PIK3C2B: variants seen among roughly 807,000 people sequenced by gnomAD.
PIK3C2B encodes phosphatidylinositol-4-phosphate 3-kinase catalytic subunit type 2 beta.
In PIK3C2B, 83 loss-of-function variants were observed where a neutral mutation model predicts 184.3. That is an observed-to-expected ratio of 0.45 (90% CI 0.38 to 0.54). The LOEUF (loss-of-function observed/expected upper bound fraction) is 0.54, where lower values mean the gene tolerates loss of function less well. Ranked by LOEUF, PIK3C2B falls within the 20% of genes least tolerant of loss-of-function variation. The pLI is 0.00. For missense variants in PIK3C2B, 1,736 were observed against 2,113.5 expected (o/e 0.82, Z 3.50); for synonymous variants, 779 against 837.6 (o/e 0.93, Z 1.21).
intron 1 of PIK3C2B, among the ~76,000 whole-genome samples, chr1:204,493,885 T>A (rs1199471159): frequency 2.0e-5 from 3 of 152,214 alleles, no homozygotes; most frequent in Non-Finnish European, 4.4e-5. Flanking sequence ...AATTCTACCC[T>A]CCGCCCGACT....
At chr1:204,477,305 T>C (rs1373714193) in intron 1 of PIK3C2B, among the ~76,000 whole-genome samples, 1 of 152,174 alleles carries the variant, frequency 6.6e-6, no homozygotes, top group Non-Finnish European at 1.5e-5. Flanking sequence ...GATTCAAATG[T>C]GCAGCCAGGT....
chr1:204,474,273 G>T (rs1402822666), intron 1 of PIK3C2B, among the ~76,000 whole-genome samples: 1 of 151,964 alleles, frequency 6.6e-6, no homozygotes, highest in Non-Finnish European at 1.5e-5. Context: ...TTACAGGCGT[G>T]AGCCACCGTG....
chr1:204,489,123 C>T (rs1469076332), intron 1 of PIK3C2B, among the ~76,000 whole-genome samples: 1 of 152,022 alleles, frequency 6.6e-6, no homozygotes, highest in East Asian at 1.9e-4. Context: ...ATTTTGGCTC[C>T]TCTCAAGTTA....
At chr1:204,437,189 T>C (rs370179067) in intron 23 of PIK3C2B, among the ~76,000 whole-genome samples, 1 of 150,946 alleles carries the variant, frequency 6.6e-6, no homozygotes, top group Non-Finnish European at 1.5e-5. Context: ...GAAGAACTTA[T>C]CCACACTTAA....
chr1:204,454,629 T>TGGGC, intron 12 of PIK3C2B, 40 bp downstream of exon 12: 1 of 1,609,138 alleles, frequency 6.2e-7, no homozygotes. Context: ...TGAGCAGGTC[T>TGGGC]ACAGTGGCCT....
At chr1:204,450,089 C>G in intron 12 of PIK3C2B, 72 bp from the exon 13 acceptor site, 1 of 1,296,116 alleles carries the variant, frequency 7.7e-7, no homozygotes, top group Non-Finnish European at 1.1e-6. Flanking sequence ...CCCAGGAAGT[C>G]AGGCTGAGGC....
intron 31 of PIK3C2B, 74 bp from the exon 32 acceptor site, chr1:204,425,815 C>T: frequency 7.2e-7 from 1 of 1,394,438 alleles, no homozygotes; most frequent in East Asian, 2.3e-5. Flanking sequence ...CCTGTGATCA[C>T]ACTCTGATCC....
At chr1:204,453,922 C>T (rs1231007079) in intron 12 of PIK3C2B, among the ~76,000 whole-genome samples, 2 of 151,706 alleles carry the variant, frequency 1.3e-5, no homozygotes, top group Admixed American at 6.6e-5. Context: ...TACAGGCATG[C>T]GCCACCATGC....
At position 204,424,555 on chromosome 1, in the gene PIK3C2B, C is replaced by T. The variant is rs1194277378; in HGVS notation, c.*297G>A. The stretch of plus-strand genomic sequence containing the variant: ...GCTACTTCATACAGCCCACCCCACA[C>T]ACTCCCCAAACCAAGCATTGCTCCC... On this transcript the variant is annotated 3_prime_UTR_variant, in exon 33 of 33. Transcript: ENST00000684373. 3 of 511,974 alleles carry T rather than the reference C, an allele frequency of 5.9e-6. No homozygotes were observed. Among genetic ancestry groups the T allele is most frequent in the South Asian group, 1.5e-5 (1 of 65,468 alleles). The allele number at this position is 511,974 out of a possible 1,614,324, so 31.7% of individuals were successfully genotyped here. A position where few individuals can be genotyped will look rare whatever the true frequency, so the allele number is the denominator to read the frequency against.
At chr1:204,462,433 A>G (rs997379531) in intron 5 of PIK3C2B, among the ~76,000 whole-genome samples, 9 of 152,194 alleles carry the variant, frequency 5.9e-5, no homozygotes, top group African/African-American at 2.2e-4. Context: ...CTGAGCATCA[A>G]TCAGCCTTCA....
chr1:204,485,855 G>A (rs1657545261), intron 1 of PIK3C2B, among the ~76,000 whole-genome samples: 1 of 152,150 alleles, frequency 6.6e-6, no homozygotes. Context: ...ACAGCCGTGA[G>A]CCACTGCACC....
At chr1:204,456,150 G>T in intron 10 of PIK3C2B, 99 bp from the exon 11 acceptor site, 1 of 874,484 alleles carries the variant, frequency 1.1e-6, no homozygotes, top group Non-Finnish European at 1.7e-6. Context: ...TAAGACAGTG[G>T]TCCCCAAATG....
At chr1:204,456,173 T>C (rs1240568726) in intron 10 of PIK3C2B, 122 bp from the exon 11 acceptor site, 2 of 652,292 alleles carry the variant, frequency 3.1e-6, no homozygotes, top group Non-Finnish European at 5.0e-6. Context: ...AGTCAGTCTC[T>C]AATAGCTGTG....
chr1:204,467,764 G>A (rs1044179002), intron 2 of PIK3C2B, among the ~76,000 whole-genome samples: 1 of 147,856 alleles, frequency 6.8e-6, no homozygotes, highest in African/African-American at 2.5e-5. Context: ...GAACCCGGGA[G>A]GCAGAGGCTG....
chr1:204,460,281 C>T lies in PIK3C2B; in HGVS notation c.1502+43G>A, dbSNP rs371910615. On this transcript the variant is annotated intron_variant, in intron 7 of 32. Coordinates refer to ENST00000684373, the MANE Select transcript of PIK3C2B (RefSeq NM_001377334.1). ...AGGCACATCTGATGGGATCCCTGCACAGTTCTTGTTTGGAGCACATCCAAG... is the reference window on the plus strand; with the variant it reads ...AGGCACATCTGATGGGATCCCTGCATAGTTCTTGTTTGGAGCACATCCAAG... The T allele has an allele frequency of 1.1e-5, 16 of 1,463,806 alleles. No homozygotes were observed. In the African/African-American group the frequency reaches 2.1e-4, roughly 19 times the overall value. The allele number at this position is 1,463,806 out of a possible 1,614,324, so 90.7% of individuals were successfully genotyped here.
chr1:204,469,617 C>A lies in PIK3C2B; in HGVS notation c.186G>T (p.Glu62Asp), dbSNP rs374294323. ...GCTTGCTGTAAAAGTCTACCCCAGG[C>A]TCATCCCAGCTGATGAGAGAGGGGT... ...NADPSLISWD[E>D]PGVDFYSKPA... Residue 62 changes from glutamate to aspartate, a missense_variant, in exon 2 of 33, where the codon GAG becomes GAT. Coordinates refer to ENST00000684373, the MANE Select transcript of PIK3C2B (RefSeq NM_001377334.1). The A allele has an allele frequency of 1.7e-5, 27 of 1,609,344 alleles. No homozygotes were observed. Among genetic ancestry groups the A allele is most frequent in the Non-Finnish European group, 2.2e-5 (26 of 1,177,420 alleles).
Position 204,454,771 on chromosome 1 carries a change from G to C in PIK3C2B, c.1964C>G (p.Ser655Cys), listed in dbSNP as rs1654683325. 6.2e-7 allele frequency: 1 copy of C among 1,612,960 alleles called. No homozygotes were observed. Among genetic ancestry groups the C allele is most frequent in the East Asian group, 2.2e-5 (1 of 44,872 alleles). ...WATSYEDFYL[S>C]CSLSHGGKEL... ...CTTGCCGCCATGGCTGAGGGAGCAG[G>C]AGAGGTAGAAATCTTCATAGCTATA... The change falls in exon 12 of 33, where the codon TCC (serine) becomes TGC (cysteine). Residue 655 changes from serine (S) to cysteine (C), a missense_variant. By Grantham distance (112) the Ser-to-Cys change is moderately radical (BLOSUM62 -1). Around this residue, in one of 8 missense-constraint regions of PIK3C2B, gnomAD observed 609 missense variants for 699.2 expected, o/e 0.87. Coordinates refer to ENST00000684373, the MANE Select transcript of PIK3C2B (RefSeq NM_001377334.1).
At chr1:204,441,661 G>C (rs1214570094) in intron 20 of PIK3C2B, 98 bp from the exon 21 acceptor site, 2 of 697,976 alleles carry the variant, frequency 2.9e-6, no homozygotes, top group African/African-American at 3.5e-5. Context: ...CCTCCCCGCT[G>C]CTGCCGGTCC....
intron 32 of PIK3C2B, 130 bp from the exon 33 acceptor site, chr1:204,425,170 G>A: frequency 1.5e-6 from 1 of 678,422 alleles, no homozygotes; most frequent in Non-Finnish European, 2.5e-6. Context: ...ACCCTGCAGA[G>A]TCCCAGGTAA....
Sources: allele counts gnomAD v4.1 joint callset (sites outside exome capture counted in the v4.1 genomes callset), GRCh38; gene constraint gnomAD v4.1.1; regional missense constraint gnomAD v4.1.1; transcripts MANE v1.5; gene names NCBI Gene and HGNC (gene_info 2026-07-23, HGNC 2026-07-21).